Variants in CLEC16A observed in about 807,000 individuals in gnomAD.
CLEC16A encodes the protein C-type lectin domain containing 16A.
Under a neutral mutation model 109.5 loss-of-function variants are expected in CLEC16A, and 51 were observed. The observed-to-expected ratio is 0.47, with a 90% confidence interval of 0.37 to 0.59. The LOEUF is 0.59. Among genes scored for constraint, CLEC16A ranks in the 20% least tolerant of loss-of-function variants. The pLI is 0.00. For synonymous variants in CLEC16A, 673 were observed against 564.2 expected, an observed-to-expected ratio of 1.19 and a Z score of -2.73; for missense variants, 1,339 against 1,394.0, an observed-to-expected ratio of 0.96 and a Z score of 0.63.
At chr16:11,006,975 C>T (rs1042874915) in intron 11 of CLEC16A, among the ~76,000 whole-genome samples, 2 of 152,164 alleles carry the variant, frequency 1.3e-5, no homozygotes, top group Non-Finnish European at 2.9e-5. Context: ...GGCAAAGAAG[C>T]ATTCACTCTG....
chr16:11,067,171 T>G (rs1320865339), intron 19 of CLEC16A, among the ~76,000 whole-genome samples: 4 of 146,480 alleles, frequency 2.7e-5, no homozygotes, highest in African/African-American at 7.6e-5. Context: ...TTTTTTGGTT[T>G]TTTTTTTGTT....
chr16:10,959,014 G>T (rs1194797341), intron 2 of CLEC16A, among the ~76,000 whole-genome samples: 1 of 146,294 alleles, frequency 6.8e-6, no homozygotes, highest in African/African-American at 2.5e-5. Context: ...ACTAAACACG[G>T]GTGTGTGTGT....
chr16:10,971,008 A>G (rs1596808668), intron 4 of CLEC16A, 117 bp from the exon 5 acceptor site: 1 of 481,300 alleles, frequency 2.1e-6, no homozygotes, highest in Non-Finnish European at 3.7e-6. Context: ...CATTGGCAAC[A>G]TTTTTTTTTT....
chr16:11,027,249 C>G (rs2046460190), intron 13 of CLEC16A: 2 of 1,542,338 alleles, frequency 1.3e-6, no homozygotes, highest in Non-Finnish European at 8.9e-7. Context: ...AGAAGTGAAA[C>G]CTCATGCCGT....
intron 9 of CLEC16A, among the ~76,000 whole-genome samples, chr16:10,982,373 C>A (rs1376599613): frequency 2.0e-5 from 3 of 152,200 alleles, no homozygotes; most frequent in Non-Finnish European, 4.4e-5. Flanking sequence ...TAAAACCCAC[C>A]ACAGGGTCAG....
chr16:11,116,617 T>C (rs1221393955), intron 19 of CLEC16A, among the ~76,000 whole-genome samples: 1 of 152,110 alleles, frequency 6.6e-6, no homozygotes, highest in Non-Finnish European at 1.5e-5. Flanking sequence ...CATATGTTGC[T>C]GGGGGTTACC....
At chr16:11,133,887 G>T (rs764479043) in intron 22 of CLEC16A, among the ~76,000 whole-genome samples, 7 of 152,176 alleles carry the variant, frequency 4.6e-5, no homozygotes, top group Admixed American at 1.3e-4. Context: ...ACTGCTTAGA[G>T]ACTTGGGCCA....
Position 11,060,932 on chromosome 16 carries a change from C to A in CLEC16A, c.2026C>A (p.Leu676Met). The stretch of plus-strand genomic sequence containing the variant: ...CCGGGTGTTCTTCATGCTGCGTTCC[C>A]TGTCACTGCAATTGCGAGGGGAGCC... ...AIRVFFMLRSLSLQLRGEPET... is the reference protein window; with the variant it reads ...AIRVFFMLRSMSLQLRGEPET... The change falls in exon 19 of 24, where the codon CTG (leucine) becomes ATG (methionine). Residue 676 changes from leucine (L) to methionine (M), a missense_variant. Transcript: ENST00000409790. 6.2e-7 allele frequency: 1 copy of A among 1,612,672 alleles called. No individual in the cohort carries two copies. Among genetic ancestry groups the A allele is most frequent in the South Asian group, 1.1e-5 (1 of 90,922 alleles).
chr16:10,956,428 C>A (rs2041990376), intron 1 of CLEC16A, among the ~76,000 whole-genome samples: 1 of 152,138 alleles, frequency 6.6e-6, no homozygotes, highest in Non-Finnish European at 1.5e-5. Flanking sequence ...TCTCACCAGA[C>A]CCCCAGCCCT....
intron 12 of CLEC16A, among the ~76,000 whole-genome samples, chr16:11,020,924 T>A (rs2046061535): frequency 6.6e-6 from 1 of 152,226 alleles, no homozygotes; most frequent in Non-Finnish European, 1.5e-5. Context: ...GAGGGAAGGC[T>A]ACTCCCAGCG....
intron 14 of CLEC16A, 161 bp downstream of exon 14, chr16:11,040,037 C>A: frequency 1.2e-6 from 1 of 817,100 alleles, no homozygotes; most frequent in Non-Finnish European, 1.8e-6. Flanking sequence ...TGGGCCAGCC[C>A]TCCTGCCTGC....
intron 19 of CLEC16A, among the ~76,000 whole-genome samples, chr16:11,077,964 CGTGT>C (rs34576806): frequency 0.14 from 18,982 of 135,406 alleles, 1,332 homozygotes; most frequent in African/African-American, 0.2. Flanking sequence ...CAAAAAAAAA[CGTGT>C]GTGTGTGTGT....
chr16:11,039,503 C>CA (rs2047202350), intron 13 of CLEC16A, among the ~76,000 whole-genome samples: 1 of 152,056 alleles, frequency 6.6e-6, no homozygotes, highest in Non-Finnish European at 1.5e-5. Context: ...CGCAGTGGCT[C>CA]ACAACAGTAA....
intron 20 of CLEC16A, among the ~76,000 whole-genome samples, chr16:11,121,034 C>T (rs986674014): frequency 6.6e-6 from 1 of 152,168 alleles, no homozygotes; most frequent in Non-Finnish European, 1.5e-5. Context: ...GTGACCTTTC[C>T]AGATCTGTTT....
chr16:10,973,380 T>C (rs1164593739), intron 7 of CLEC16A, among the ~76,000 whole-genome samples: 3 of 152,144 alleles, frequency 2.0e-5, no homozygotes, highest in Non-Finnish European at 4.4e-5. Context: ...GTCTGTACGA[T>C]GGAATAGTGT....
Position 10,974,427 on chromosome 16 carries a change from T to G in CLEC16A, c.728+1366T>G, listed in dbSNP as rs149431121. Among the ~76,000 whole-genome samples the G allele has an allele frequency of 4.1e-4, 63 of 152,352 alleles. No individual in the cohort carries two copies. The East Asian group carries it at 0.011, about 27-fold the overall frequency. ...GTTCCAGAGCAGGATTTCTTTCCCT[T>G]GGCTCTATTGACCTCTTGAACTGGG... is the stretch of plus-strand genomic sequence containing the variant. On this transcript the variant is annotated intron_variant, in intron 7 of 23. Coordinates refer to ENST00000409790, the MANE Select transcript of CLEC16A (RefSeq NM_015226.3).
At chr16:11,097,003 C>G (rs546581455) in intron 19 of CLEC16A, among the ~76,000 whole-genome samples, 166 of 152,260 alleles carry the variant, frequency 1.1e-3, no homozygotes, top group Non-Finnish European at 1.9e-3. Flanking sequence ...TTTTAAAAAA[C>G]TGACTGTATA....
chr16:11,042,358 C>G lies in CLEC16A; in HGVS notation c.1765C>G (p.Leu589Val), dbSNP rs766399109. 2 of 1,578,654 alleles carry G rather than the reference C, an allele frequency of 1.3e-6. No individual in the cohort carries two copies. Among genetic ancestry groups the G allele is most frequent in the African/African-American group, 2.7e-5 (2 of 74,140 alleles). Reference sequence around the variant, plus strand: ...CATGAAGGACGTGCACCTGGCCTGCCTGGAGGTAACGCCCTCTCCGCTCCT... The same window carrying G: ...CATGAAGGACGTGCACCTGGCCTGCGTGGAGGTAACGCCCTCTCCGCTCCT... ...CIMKDVHLAC[L>V]EGAREESVHL... The change falls in exon 15 of 24, where the codon CTG becomes GTG. Residue 589 changes from leucine (L) to valine (V), a missense_variant. Around this residue, in one of 3 missense-constraint regions of CLEC16A, gnomAD observed 1,061 missense variants for 1,006.8 expected, o/e 1.05. Transcript: ENST00000409790.
intron 7 of CLEC16A, among the ~76,000 whole-genome samples, chr16:10,973,692 C>T (rs369142995): frequency 1.3e-5 from 2 of 151,414 alleles, no homozygotes; most frequent in Non-Finnish European, 2.9e-5. Flanking sequence ...CCTCAGCCTC[C>T]CAGGTAGCTA....
Sources: allele counts gnomAD v4.1 joint callset (sites outside exome capture counted in the v4.1 genomes callset), GRCh38; gene constraint gnomAD v4.1.1; regional missense constraint gnomAD v4.1.1; transcripts MANE v1.5; gene names NCBI Gene and HGNC (gene_info 2026-07-23, HGNC 2026-07-21).